The following HTR4 variants were observed in gnomAD, a reference collection of about 807,000 sequenced individuals.
HTR4 encodes 5-hydroxytryptamine (serotonin) receptor 4, G protein-coupled.
In HTR4, 16 loss-of-function variants were observed where a neutral mutation model predicts 36.8. That is an observed-to-expected ratio of 0.43 (90% CI 0.29 to 0.66). HTR4 has a LOEUF of 0.66. HTR4 is among the 30% of genes least tolerant of loss of function. The pLI is 0.13. For missense variants in HTR4, 438 were observed against 490.9 expected, an observed-to-expected ratio of 0.89 and a Z score of 1.02; for synonymous variants, 189 against 185.1, an observed-to-expected ratio of 1.02 and a Z score of -0.17.
At chr5:148,545,220 A>G (rs1759328927) in intron 4 of HTR4, among the ~76,000 whole-genome samples, 4 of 152,244 alleles carry the variant, frequency 2.6e-5, no homozygotes, top group Non-Finnish European at 5.9e-5. Flanking sequence ...ATAAAACAAA[A>G]GAAACCCCAT....
At chr5:148,552,630 C>A (rs1759754824) in intron 2 of HTR4, among the ~76,000 whole-genome samples, 1 of 152,166 alleles carries the variant, frequency 6.6e-6, no homozygotes, top group African/African-American at 2.4e-5. Context: ...AAATTTAACC[C>A]CCAGTTAGTG....
At position 148,482,213 on chromosome 5, in the gene HTR4, G is replaced by T; in HGVS notation, c.*990C>A. The T allele has an allele frequency of 2.0e-6, 2 of 985,486 alleles. No homozygotes were observed. Among genetic ancestry groups the T allele is most frequent in the African/African-American group, 3.5e-5 (2 of 57,340 alleles). 61.0% of individuals were successfully genotyped at this position (985,486 alleles called of 1,614,324 possible). On this transcript the variant is annotated 3_prime_UTR_variant, in exon 7 of 7. Coordinates refer to ENST00000377888, the MANE Select transcript of HTR4 (RefSeq NM_000870.7). ...CCTTGGGGGAGCTGCAGGGGAAAAT[G>T]AGTTTCCCCAGTGTGAACTTCCAAC... is the stretch of plus-strand genomic sequence containing the variant.
intron 4 of HTR4, among the ~76,000 whole-genome samples, chr5:148,526,613 G>A (rs1379717577): frequency 6.6e-6 from 1 of 152,118 alleles, no homozygotes; most frequent in African/African-American, 2.4e-5. Flanking sequence ...ACCAAGGTAT[G>A]GAACCTACCT....
At chr5:148,511,840 A>G (rs1757514194) in intron 5 of HTR4, among the ~76,000 whole-genome samples, 1 of 152,174 alleles carries the variant, frequency 6.6e-6, no homozygotes, top group Non-Finnish European at 1.5e-5. Flanking sequence ...ATGTAGTGGT[A>G]TCTCATTGTG....
At chr5:148,646,828 G>A (rs1273349636) in intron 1 of HTR4, among the ~76,000 whole-genome samples, 1 of 152,152 alleles carries the variant, frequency 6.6e-6, no homozygotes, top group Non-Finnish European at 1.5e-5. Context: ...AGAAACTGAG[G>A]CATAGGAAAG....
intron 6 of HTR4, among the ~76,000 whole-genome samples, chr5:148,485,013 GGGAAGGAGGAA>G (rs1003864365): frequency 1.3e-5 from 2 of 151,980 alleles, no homozygotes; most frequent in African/African-American, 2.4e-5. Flanking sequence ...AAGGAAGAAA[GGGAAGGAGGAA>G]GGAAGGAAGA....
chr5:148,529,070 G>A (rs889417478), intron 4 of HTR4, among the ~76,000 whole-genome samples: 5 of 151,836 alleles, frequency 3.3e-5, no homozygotes, highest in Admixed American at 1.3e-4. Flanking sequence ...AGGAGTGTTC[G>A]AAATTTGCCC....
chr5:148,632,680 T>C lies in HTR4; in HGVS notation c.26+4309A>G, dbSNP rs1232275256. On this transcript the variant is annotated intron_variant, in intron 2 of 6. Transcript: ENST00000377888. ...GTCTGAACATTGTACTCTCTGGAAC[T>C]TAAAAAGAAATTGATTGAAAAAATT... is the stretch of plus-strand genomic sequence containing the variant. 2.6e-5 allele frequency among the ~76,000 whole-genome samples: 4 copies of C among 152,188 alleles called. No individual in the cohort carries two copies. The East Asian group carries it at 7.7e-4, about 29-fold the overall frequency.
At chr5:148,553,402 G>C (rs1759791378) in intron 2 of HTR4, among the ~76,000 whole-genome samples, 1 of 152,118 alleles carries the variant, frequency 6.6e-6, no homozygotes, top group Non-Finnish European at 1.5e-5. Context: ...GTTACCTGAG[G>C]AGCCTTAAAA....
intron 2 of HTR4, among the ~76,000 whole-genome samples, chr5:148,600,358 T>C (rs1431104486): frequency 2.1e-5 from 3 of 144,988 alleles, no homozygotes; most frequent in African/African-American, 7.5e-5. Flanking sequence ...TATTTTTTTT[T>C]CACACATGAC....
chr5:148,467,163 C>T (rs771244961), intron 5 of HTR4, among the ~76,000 whole-genome samples: 1 of 152,176 alleles, frequency 6.6e-6, no homozygotes, highest in Non-Finnish European at 1.5e-5. Context: ...AAAACCATTC[C>T]TTCACTCTTG....
chr5:148,633,613 A>G (rs911787228), intron 2 of HTR4, among the ~76,000 whole-genome samples: 2 of 143,554 alleles, frequency 1.4e-5, no homozygotes, highest in African/African-American at 5.2e-5. Flanking sequence ...CCCATCTATG[A>G]GTGAGAACAT....
chr5:148,609,581 GT>G (rs5872086), intron 2 of HTR4, among the ~76,000 whole-genome samples: 18,133 of 143,182 alleles, frequency 0.13, 1,304 homozygotes, highest in East Asian at 0.33. Context: ...ATTTTTAAGG[GT>G]TTTTTTTTTT....
chr5:148,566,018 G>T (rs745556044), intron 2 of HTR4, among the ~76,000 whole-genome samples: 8 of 152,098 alleles, frequency 5.3e-5, no homozygotes, highest in Non-Finnish European at 8.8e-5. Flanking sequence ...AATTCCAAAA[G>T]AAATAAATCC....
intron 5 of HTR4, among the ~76,000 whole-genome samples, chr5:148,465,086 G>T (rs772790849): frequency 2.6e-5 from 4 of 152,108 alleles, no homozygotes; most frequent in Admixed American, 6.6e-5. Context: ...GGAGGAGGAA[G>T]AGATAAACAC....
At chr5:148,642,367 A>G (rs1753753412) in intron 1 of HTR4, among the ~76,000 whole-genome samples, 1 of 152,234 alleles carries the variant, frequency 6.6e-6, no homozygotes, top group Admixed American at 6.5e-5. Flanking sequence ...AATGGGGCAG[A>G]GGATGAACCC....
chr5:148,568,412 A>T (rs1332465301), intron 2 of HTR4, among the ~76,000 whole-genome samples: 2 of 152,134 alleles, frequency 1.3e-5, no homozygotes, highest in African/African-American at 4.8e-5. Flanking sequence ...CAACTAACGA[A>T]CCAATCAATA....
chr5:148,569,341 G>A (rs1581489421), intron 2 of HTR4, among the ~76,000 whole-genome samples: 1 of 151,988 alleles, frequency 6.6e-6, no homozygotes, highest in Non-Finnish European at 1.5e-5. Flanking sequence ...GAGCAACACA[G>A]ACTGGAGCCT....
intron 6 of HTR4, among the ~76,000 whole-genome samples, chr5:148,493,542 C>T (rs745559547): frequency 3.1e-4 from 47 of 151,886 alleles, no homozygotes; most frequent in East Asian, 9.7e-4. Flanking sequence ...CATGTATCAA[C>T]GATAAATGAA....
Sources: allele counts gnomAD v4.1 joint callset (sites outside exome capture counted in the v4.1 genomes callset), GRCh38; gene constraint gnomAD v4.1.1; transcripts MANE v1.5; gene names NCBI Gene and HGNC (gene_info 2026-07-23, HGNC 2026-07-21).